Variants in PDE7B observed in about 807,000 individuals in gnomAD.
The protein encoded by PDE7B is 3',5'-cyclic-AMP phosphodiesterase 7B.
In PDE7B, 29 loss-of-function variants were observed where a neutral mutation model predicts 56.2. The ratio of observed to expected loss-of-function variants is 0.52; its 90% CI spans 0.38 to 0.70. The LOEUF is 0.70. Among genes scored for constraint, PDE7B ranks in the 30% least tolerant of loss-of-function variants. The probability of loss-of-function intolerance (pLI) is 0.00; values close to 1 mark genes in which losing one functional copy is unlikely to be tolerated. For synonymous variants in PDE7B, 197 were observed against 196.9 expected, an observed-to-expected ratio of 1.00 and a Z score of 0.00; for missense variants, 490 against 565.0, an observed-to-expected ratio of 0.87 and a Z score of 1.35.
intron 1 of PDE7B, among the ~76,000 whole-genome samples, chr6:135,907,900 A>G (rs1011185999): frequency 6.6e-6 from 1 of 152,186 alleles, no homozygotes; most frequent in African/African-American, 2.4e-5. Context: ...GATTGAAAAG[A>G]CATGTCATAT....
At chr6:135,906,702 A>G (rs567015740) in intron 1 of PDE7B, among the ~76,000 whole-genome samples, 5 of 152,088 alleles carry the variant, frequency 3.3e-5, no homozygotes, top group Admixed American at 3.3e-4. Flanking sequence ...GCTTGACTAA[A>G]TGGTATGAAC....
intron 2 of PDE7B, among the ~76,000 whole-genome samples, chr6:136,007,525 T>C (rs556943553): frequency 6.6e-6 from 1 of 152,192 alleles, no homozygotes; most frequent in East Asian, 1.9e-4. Context: ...ATAAGTTACT[T>C]AATCTCTCCT....
At chr6:136,081,702 C>G (rs1437532721) in intron 2 of PDE7B, among the ~76,000 whole-genome samples, 2 of 152,176 alleles carry the variant, frequency 1.3e-5, no homozygotes, top group Admixed American at 6.5e-5. Context: ...TGAATTTTGG[C>G]ATCAACCTAA....
chr6:136,153,438 G>A (rs2128447524), intron 6 of PDE7B, among the ~76,000 whole-genome samples: 1 of 152,270 alleles, frequency 6.6e-6, no homozygotes, highest in African/African-American at 2.4e-5. Context: ...AAATCGCCTT[G>A]CCTGTGTCTC....
intron 2 of PDE7B, chr6:136,012,616 A>C (rs1029443387): frequency 1.3e-5 from 2 of 152,166 alleles, no homozygotes; most frequent in Non-Finnish European, 2.9e-5. Flanking sequence ...AGCAGGGGAA[A>C]TGTCAGACAC....
At chr6:135,980,455 C>G (rs1775275226) in intron 2 of PDE7B, among the ~76,000 whole-genome samples, 1 of 151,472 alleles carries the variant, frequency 6.6e-6, no homozygotes, top group African/African-American at 2.4e-5. Flanking sequence ...TCTAATTAAA[C>G]TAAAGAGCTT....
rs547854096 is a variant in PDE7B at position 135,980,985 on chromosome 6, G to A, written c.82+33461G>A. ...TGCTGCTATGAAGACACATGCACAC[G>A]TATGTTTATTGCGGCATTATTCACA... On this transcript the variant is annotated intron_variant, in intron 2 of 12. Coordinates refer to ENST00000308191, the MANE Select transcript of PDE7B (RefSeq NM_018945.4). Among the ~76,000 whole-genome samples the A allele has an allele frequency of 1.5e-3, 229 of 149,722 alleles. No individual in the cohort carries two copies. In the East Asian group the frequency reaches 0.028, roughly 18 times the overall value.
chr6:135,852,443 G>T (rs1641250662), intron 1 of PDE7B, among the ~76,000 whole-genome samples: 1 of 152,116 alleles, frequency 6.6e-6, no homozygotes, highest in Non-Finnish European at 1.5e-5. Flanking sequence ...CAGGGAAGAA[G>T]GAAATTAGTT....
chr6:135,869,931 CA>C (rs1215334536), intron 1 of PDE7B, among the ~76,000 whole-genome samples: 1 of 152,062 alleles, frequency 6.6e-6, no homozygotes, highest in Non-Finnish European at 1.5e-5. Context: ...GAAGGTGAGG[CA>C]CAGGGCATGC....
At chr6:135,941,856 A>G (rs1197934506) in intron 1 of PDE7B, among the ~76,000 whole-genome samples, 1 of 152,212 alleles carries the variant, frequency 6.6e-6, no homozygotes, top group East Asian at 1.9e-4. Flanking sequence ...TGTTCTGAAG[A>G]TATCAAGACA....
At chr6:136,078,045 G>A (rs1445449199) in intron 2 of PDE7B, among the ~76,000 whole-genome samples, 2 of 152,206 alleles carry the variant, frequency 1.3e-5, no homozygotes, top group African/African-American at 4.8e-5. Flanking sequence ...CAAGCCACAT[G>A]TGAGCTGAGT....
At chr6:136,110,841 C>T (rs1255430197) in intron 3 of PDE7B, among the ~76,000 whole-genome samples, 9 of 151,650 alleles carry the variant, frequency 5.9e-5, no homozygotes, top group East Asian at 3.9e-4. Flanking sequence ...TTGTTCACCA[C>T]GTAAGAGATC....
intron 8 of PDE7B, among the ~76,000 whole-genome samples, chr6:136,172,125 T>C (rs1778894251): frequency 6.6e-6 from 1 of 152,186 alleles, no homozygotes; most frequent in African/African-American, 2.4e-5. Context: ...TATAGCAGCA[T>C]GATTTGTAGT....
chr6:135,923,320 A>T (rs528017037), intron 1 of PDE7B, among the ~76,000 whole-genome samples: 3 of 152,228 alleles, frequency 2.0e-5, no homozygotes, highest in Non-Finnish European at 4.4e-5. Flanking sequence ...GCTATTACAC[A>T]GACGCAGTAT....
intron 2 of PDE7B, chr6:136,038,027 G>A (rs750193825): frequency 1.5e-6 from 2 of 1,318,554 alleles, no homozygotes; most frequent in Admixed American, 2.1e-5. Context: ...TCACCAGAGA[G>A]AAACCTAGGG....
At chr6:136,041,566 G>C (rs1776413606) in intron 2 of PDE7B, among the ~76,000 whole-genome samples, 1 of 152,216 alleles carries the variant, frequency 6.6e-6, no homozygotes, top group African/African-American at 2.4e-5. Flanking sequence ...ATAGAAGGAA[G>C]GAAGAGGAGC....
intron 1 of PDE7B, among the ~76,000 whole-genome samples, chr6:135,885,680 C>A (rs544525657): frequency 2.0e-5 from 3 of 152,052 alleles, no homozygotes; most frequent in African/African-American, 4.8e-5. Context: ...AAAGAGGTTA[C>A]TGAAAGAAAA....
intron 1 of PDE7B, among the ~76,000 whole-genome samples, chr6:135,934,826 T>A (rs1204648551): frequency 4.4e-5 from 3 of 67,876 alleles, no homozygotes; most frequent in African/African-American, 1.5e-4. Context: ...ATATATTTAA[T>A]AAATAAATAT....
chr6:136,133,033 A>G (rs538468463), intron 3 of PDE7B, among the ~76,000 whole-genome samples: 5 of 152,262 alleles, frequency 3.3e-5, no homozygotes, highest in African/African-American at 1.2e-4. Context: ...CCAACCACAT[A>G]TAAAAAACAC....
Sources: gnomAD v4.1 joint callset for allele counts (sites outside exome capture counted in the v4.1 genomes callset) on GRCh38, gnomAD v4.1.1 for gene constraint, MANE v1.5 for transcripts, NCBI Gene and HGNC (gene_info 2026-07-23, HGNC 2026-07-21) for gene names.